Variants in MYO1D observed in about 807,000 individuals in gnomAD.
MYO1D encodes the protein unconventional myosin-Id.
MYO1D carries 83 observed loss-of-function variants against 122.0 expected under a neutral mutation model. That is an observed-to-expected ratio of 0.68 (90% CI 0.57 to 0.82). The LOEUF (loss-of-function observed/expected upper bound fraction) is 0.82, where lower values mean the gene tolerates loss of function less well. MYO1D is among the 40% of genes least tolerant of loss of function. MYO1D has a pLI of 0.00. For synonymous variants in MYO1D, 464 were observed against 446.9 expected, an observed-to-expected ratio of 1.04 and a Z score of -0.48; for missense variants, 1,157 against 1,269.5, an observed-to-expected ratio of 0.91 and a Z score of 1.35.
At chr17:32,601,653 T>A (rs561736536) in intron 21 of MYO1D, among the ~76,000 whole-genome samples, 14 of 152,230 alleles carry the variant, frequency 9.2e-5, no homozygotes, top group Non-Finnish European at 2.1e-4. Context: ...TCTCTAGCTA[T>A]GAAAGTTCTA....
At chr17:32,772,659 T>C in intron 5 of MYO1D, 130 bp downstream of exon 5, 3 of 753,814 alleles carry the variant, frequency 4.0e-6, no homozygotes, top group Non-Finnish European at 7.1e-6. Flanking sequence ...CGTGCGTGCG[T>C]GCATGCGTGA....
chr17:32,594,649 T>C, intron 21 of MYO1D: 2 of 533,594 alleles, frequency 3.7e-6, no homozygotes, highest in Non-Finnish European at 3.3e-6. Flanking sequence ...TCTCTCTTAC[T>C]GTTAATATCT....
At chr17:32,818,018 T>C (rs968215489) in intron 1 of MYO1D, among the ~76,000 whole-genome samples, 8 of 144,846 alleles carry the variant, frequency 5.5e-5, no homozygotes, top group African/African-American at 2.0e-4. Flanking sequence ...CCCAGCTACT[T>C]GGGAGGCTGA....
At chr17:32,616,927 G>A (rs1478680887) in intron 20 of MYO1D, among the ~76,000 whole-genome samples, 2 of 152,214 alleles carry the variant, frequency 1.3e-5, no homozygotes, top group African/African-American at 2.4e-5. Context: ...CCAGCCAGTC[G>A]TGGTGGCTCA....
Position 32,670,782 on chromosome 17 carries a change from A to G in MYO1D, c.2122-11444T>C, listed in dbSNP as rs921312087. ...CTTATCCTGTGCCTATAAAAGCCCC[A>G]GACTCAGCCACACTGGAGCGATGAT... is the stretch of plus-strand genomic sequence containing the variant. On this transcript the variant is annotated intron_variant, in intron 16 of 21. Transcript: ENST00000318217. Among the ~76,000 whole-genome samples the G allele has an allele frequency of 4.6e-5, 7 of 152,334 alleles. No homozygotes were observed. The South Asian group carries it at 1.4e-3, about 32-fold the overall frequency.
intron 21 of MYO1D, among the ~76,000 whole-genome samples, chr17:32,601,390 T>C (rs2087560994): frequency 1.3e-5 from 2 of 152,094 alleles, no homozygotes; most frequent in Admixed American, 1.3e-4. Flanking sequence ...GATGAGGGAA[T>C]AGATGGTCAG....
intron 1 of MYO1D, among the ~76,000 whole-genome samples, chr17:32,872,510 A>G (rs993820871): frequency 2.0e-5 from 3 of 151,986 alleles, no homozygotes; most frequent in Admixed American, 6.6e-5. Context: ...TCCTGACCTC[A>G]TGATCCGCCC....
intron 14 of MYO1D, among the ~76,000 whole-genome samples, chr17:32,730,904 CT>C (rs754771399): frequency 0.011 from 1,146 of 108,768 alleles, 5 homozygotes; most frequent in African/African-American, 0.034. Context: ...TTCCACGTGT[CT>C]TTTTTTTTTT....
At chr17:32,632,580 T>TAC (rs1208377424) in intron 20 of MYO1D, 5 of 94,408 alleles carry the variant, frequency 5.3e-5, no homozygotes, top group African/African-American at 2.5e-4. Flanking sequence ...TATATATATA[T>TAC]ATATATACAC....
intron 21 of MYO1D, chr17:32,509,930 T>G (rs774641834): frequency 2.0e-5 from 3 of 152,190 alleles, no homozygotes; most frequent in Non-Finnish European, 4.4e-5. Context: ...AAAGGGGTCT[T>G]AGATTGGGAG....
intron 20 of MYO1D, among the ~76,000 whole-genome samples, chr17:32,627,313 C>T (rs1597948697): frequency 2.0e-5 from 3 of 152,270 alleles, no homozygotes; most frequent in South Asian, 2.1e-4. Flanking sequence ...CGGTGCCAGA[C>T]GTCAGCTGAC....
At chr17:32,761,282 C>T (rs1455310048) in intron 8 of MYO1D, among the ~76,000 whole-genome samples, 1 of 152,130 alleles carries the variant, frequency 6.6e-6, no homozygotes, top group African/African-American at 2.4e-5. Context: ...TATCCATTAC[C>T]TCCCCTTTAC....
At chr17:32,809,646 C>G (rs1269678120) in intron 1 of MYO1D, among the ~76,000 whole-genome samples, 1 of 152,114 alleles carries the variant, frequency 6.6e-6, no homozygotes, top group Non-Finnish European at 1.5e-5. Context: ...ACCATGTTGG[C>G]CAAGCTGGTC....
At chr17:32,681,846 T>C (rs1157754731) in intron 16 of MYO1D, among the ~76,000 whole-genome samples, 11 of 134,024 alleles carry the variant, frequency 8.2e-5, no homozygotes, top group South Asian at 2.5e-4. Context: ...ATGTTGACAG[T>C]GGGGTGTTAA....
chr17:32,720,576 G>A (rs1156820462), intron 15 of MYO1D, among the ~76,000 whole-genome samples: 2 of 152,114 alleles, frequency 1.3e-5, no homozygotes, highest in African/African-American at 2.4e-5. Context: ...GATAGGCAGT[G>A]TTAATTAAAT....
At chr17:32,628,083 C>A (rs946642575) in intron 20 of MYO1D, among the ~76,000 whole-genome samples, 3 of 152,222 alleles carry the variant, frequency 2.0e-5, no homozygotes, top group Admixed American at 1.3e-4. Context: ...TAGGCTATTT[C>A]TTGCTTCTGT....
intron 20 of MYO1D, among the ~76,000 whole-genome samples, chr17:32,624,201 T>G (rs141942281): frequency 0.018 from 2,728 of 151,490 alleles, 79 homozygotes; most frequent in African/African-American, 0.061. Flanking sequence ...AAGCTTTATT[T>G]TATTTTTTCT....
chr17:32,508,657 C>G (rs1461399002), intron 21 of MYO1D, among the ~76,000 whole-genome samples: 1 of 152,170 alleles, frequency 6.6e-6, no homozygotes, highest in African/African-American at 2.4e-5. Flanking sequence ...AAGTGCCTTA[C>G]AGATATCAAT....
intron 15 of MYO1D, among the ~76,000 whole-genome samples, chr17:32,713,553 A>C (rs1490644904): frequency 6.6e-6 from 1 of 152,214 alleles, no homozygotes; most frequent in Admixed American, 6.5e-5. Flanking sequence ...CCAGGCAAAA[A>C]AACCAGAATT....
Sources: gnomAD v4.1 joint callset for allele counts (sites outside exome capture counted in the v4.1 genomes callset) on GRCh38, gnomAD v4.1.1 for gene constraint, MANE v1.5 for transcripts, NCBI Gene and HGNC (gene_info 2026-07-23, HGNC 2026-07-21) for gene names.